Variants in GPX6 observed in about 807,000 individuals in gnomAD.
GPX6 encodes the protein glutathione peroxidase 6, also known as glutathione peroxidase 6 (olfactory).
Under a neutral mutation model 20.0 loss-of-function variants are expected in GPX6, and 21 were observed. That is an observed-to-expected ratio of 1.05 (90% confidence interval 0.74 to 1.51). The LOEUF is 1.51. GPX6 is among the 40% of genes most tolerant of loss of function. The pLI is 0.00. For missense variants in GPX6, 233 were observed against 254.7 expected, an observed-to-expected ratio of 0.91 and a Z score of 0.58; for synonymous variants, 75 against 98.0, an observed-to-expected ratio of 0.77 and a Z score of 1.38.
intron 1 of GPX6, among the ~76,000 whole-genome samples, chr6:28,512,899 C>A (rs1318234456): frequency 6.6e-6 from 1 of 152,146 alleles, no homozygotes; most frequent in Non-Finnish European, 1.5e-5. Flanking sequence ...CACTCTTGAG[C>A]CAGCAAGACC....
At chr6:28,514,062 C>T (rs752666034) in intron 1 of GPX6, among the ~76,000 whole-genome samples, 12 of 152,252 alleles carry the variant, frequency 7.9e-5, no homozygotes, top group Non-Finnish European at 1.3e-4. Context: ...TGCCTGCATT[C>T]GTTTTGCCTT....
At chr6:28,505,561 A>G in intron 4 of GPX6, 142 bp downstream of exon 4, 1 of 621,014 alleles carries the variant, frequency 1.6e-6, no homozygotes, top group South Asian at 2.0e-5. Context: ...AAGCTAAAGC[A>G]TCACAGCAGA....
intron 1 of GPX6, among the ~76,000 whole-genome samples, chr6:28,512,579 T>G (rs946369274): frequency 6.6e-6 from 1 of 152,160 alleles, no homozygotes; most frequent in Non-Finnish European, 1.5e-5. Flanking sequence ...ATCAGCAGGA[T>G]GTGGGTGTGG....
chr6:28,506,191 T>C, intron 3 of GPX6, 121 bp downstream of exon 3: 1 of 708,772 alleles, frequency 1.4e-6, no homozygotes, highest in Non-Finnish European at 2.6e-6. Flanking sequence ...ATCATAAGGA[T>C]ATGCTTCAAC....
Position 28,504,263 on chromosome 6 carries a change from T to G in GPX6, c.*29A>C, listed in dbSNP as rs767890688. ...ACATTCCTGCAGGTGGGAGACAGGGTAGTTATTTCTGTCAGTCGCTAGCCC... is the reference window on the plus strand; with the variant it reads ...ACATTCCTGCAGGTGGGAGACAGGGGAGTTATTTCTGTCAGTCGCTAGCCC... On this transcript the variant is annotated 3_prime_UTR_variant, in exon 5 of 5. Coordinates refer to ENST00000361902, the MANE Select transcript of GPX6 (RefSeq NM_182701.1). The G allele has an allele frequency of 1.3e-6, 2 of 1,582,700 alleles. No homozygotes were observed. The highest frequency in any genetic ancestry group is 2.7e-5 in the African/African-American group (2 of 74,230).
At chr6:28,506,764 TTGACTC>T (rs1762810893) in intron 2 of GPX6, among the ~76,000 whole-genome samples, 1 of 151,428 alleles carries the variant, frequency 6.6e-6, no homozygotes, top group African/African-American at 2.4e-5. Context: ...GGAGTCCTGT[TTGACTC>T]TAAAGAGAAG....
Position 28,504,484 on chromosome 6 carries a change from C to T in GPX6, c.474G>A (p.Pro158=), listed in dbSNP as rs1234071872. ...VFTFLKNSCP[P]TSDLLGSSSQ... ...TTGATGAGCCCAAAAGATCAGAGGT[C>T]GGAGGGCAGGAGTTCTGGAGCAGAG... The change falls in exon 5 of 5, where the codon CCG becomes CCA. Residue 158 remains proline, a synonymous_variant. Coordinates refer to ENST00000361902, the MANE Select transcript of GPX6 (RefSeq NM_182701.1). The T allele has an allele frequency of 6.2e-6, 10 of 1,613,666 alleles. No homozygotes were observed. The highest frequency in any genetic ancestry group is 3.3e-5 in the South Asian group (3 of 91,038).
chr6:28,514,209 C>A (rs963738362), intron 1 of GPX6, among the ~76,000 whole-genome samples: 2 of 152,204 alleles, frequency 1.3e-5, no homozygotes, highest in Admixed American at 6.5e-5. Flanking sequence ...TACCTTAGCT[C>A]TGGGTGCAAC....
chr6:28,506,624 A>G (rs1762808883), intron 2 of GPX6, among the ~76,000 whole-genome samples, 195 bp from the exon 3 acceptor site: 1 of 151,236 alleles, frequency 6.6e-6, no homozygotes, highest in African/African-American at 2.4e-5. Flanking sequence ...ATGCATCTGA[A>G]TGGCTGCTGT....
In GPX6 at chr6:28,503,766, G is replaced by A. The variant is rs1164278878; in HGVS notation, c.*526C>T. ...TGGCAGGGGAATAAAGGAGAATTAA[G>A]GAGAAAAGAGTTTAACAATGCATGC... is the stretch of plus-strand genomic sequence containing the variant. On this transcript the variant is annotated 3_prime_UTR_variant, in exon 5 of 5. Transcript: ENST00000361902. 1 of 153,560 alleles carries A rather than the reference G, an allele frequency of 6.5e-6. No homozygotes were observed. Among genetic ancestry groups the A allele is most frequent in the Non-Finnish European group, 1.4e-5 (1 of 69,136 alleles). The allele number at this position is 153,560 out of a possible 1,614,324, so 9.5% of individuals were successfully genotyped here.
intron 3 of GPX6, 61 bp from the exon 4 acceptor site, chr6:28,505,863 G>A: frequency 8.4e-7 from 1 of 1,195,818 alleles, no homozygotes. Context: ...GGAAAATAAT[G>A]GCCACCACCA....
chr6:28,511,352 T>C (rs969904109), intron 1 of GPX6, among the ~76,000 whole-genome samples: 1 of 152,158 alleles, frequency 6.6e-6, no homozygotes, highest in Non-Finnish European at 1.5e-5. Context: ...GCCCATAACT[T>C]CTCCAGATGC....
intron 1 of GPX6, among the ~76,000 whole-genome samples, chr6:28,513,269 T>G (rs1171697890): frequency 8.1e-6 from 1 of 122,886 alleles, no homozygotes; most frequent in Non-Finnish European, 1.8e-5. Context: ...AAGGCAGGGG[T>G]CTAATGGAGC....
chr6:28,507,116 C>T (rs546685384), intron 2 of GPX6, among the ~76,000 whole-genome samples: 1 of 152,344 alleles, frequency 6.6e-6, no homozygotes, highest in Non-Finnish European at 1.5e-5. Context: ...CTCCAAATTG[C>T]TCTTTACTAC....
At chr6:28,508,500 T>C (rs989354302) in intron 2 of GPX6, among the ~76,000 whole-genome samples, 4 of 151,984 alleles carry the variant, frequency 2.6e-5, no homozygotes, top group African/African-American at 9.7e-5. Flanking sequence ...TAGACTTGAG[T>C]GTACATAAAA....
chr6:28,508,481 G>A (rs371550532), intron 2 of GPX6, among the ~76,000 whole-genome samples: 1 of 152,144 alleles, frequency 6.6e-6, no homozygotes. Flanking sequence ...TAGCTTTTCA[G>A]GTTTTCCCTA....
chr6:28,513,002 C>A (rs560251360), intron 1 of GPX6, among the ~76,000 whole-genome samples: 1 of 151,962 alleles, frequency 6.6e-6, no homozygotes, highest in African/African-American at 2.4e-5. Context: ...GGGTTTCATT[C>A]TTGAAGTCAG....
In GPX6 at chr6:28,513,973, A is replaced by G. The variant is rs372526813; in HGVS notation, c.87+1684T>C. Among the ~76,000 whole-genome samples the G allele has an allele frequency of 3.4e-4, 52 of 152,354 alleles. No individual in the cohort carries two copies. The South Asian group carries it at 6.8e-3, about 20-fold the overall frequency. On this transcript the variant is annotated intron_variant, in intron 1 of 4. Coordinates refer to ENST00000361902, the MANE Select transcript of GPX6 (RefSeq NM_182701.1). ...CCCTTTCAAGTCCATATTTCTGTAC[A>G]CATCTGTGCATATACATTAGTCACA... is the stretch of plus-strand genomic sequence containing the variant.
intron 1 of GPX6, among the ~76,000 whole-genome samples, chr6:28,513,539 C>T (rs1432197500): frequency 2.0e-5 from 3 of 152,300 alleles, no homozygotes; most frequent in East Asian, 1.9e-4. Context: ...AAAACTCATC[C>T]TTGGCACCCA....
Sources: gnomAD v4.1 joint callset for allele counts (sites outside exome capture counted in the v4.1 genomes callset) on GRCh38, gnomAD v4.1.1 for gene constraint, MANE v1.5 for transcripts, NCBI Gene and HGNC (gene_info 2026-07-23, HGNC 2026-07-21) for gene names.